CBX5: variants seen among roughly 807,000 people sequenced by gnomAD.
CBX5 encodes the protein chromobox 5, also known as chromobox protein homolog 5.
In CBX5, 7 loss-of-function variants were observed where a neutral mutation model predicts 20.7. That is an observed-to-expected ratio of 0.34 (90% confidence interval 0.19 to 0.63). The LOEUF is 0.63. Among genes scored for constraint, CBX5 ranks in the 30% least tolerant of loss-of-function variants. The pLI is 0.75. For missense variants in CBX5, 110 were observed against 224.1 expected, an observed-to-expected ratio of 0.49 and a Z score of 3.25; for synonymous variants, 78 against 77.0, an observed-to-expected ratio of 1.01 and a Z score of -0.07.
intron 1 of CBX5, among the ~76,000 whole-genome samples, chr12:54,269,539 C>A (rs1437674876): frequency 6.6e-6 from 1 of 151,994 alleles, no homozygotes; most frequent in Non-Finnish European, 1.5e-5. Context: ...CAGGAGCACA[C>A]CACCATGCCT....
At chr12:54,245,663 T>C (rs142491227) in intron 4 of CBX5, among the ~76,000 whole-genome samples, 1 of 151,988 alleles carries the variant, frequency 6.6e-6, no homozygotes. Flanking sequence ...TGGTGGCACA[T>C]GCCTGTAATC....
intron 1 of CBX5, among the ~76,000 whole-genome samples, chr12:54,276,188 G>A (rs1944065345): frequency 6.6e-6 from 1 of 152,000 alleles, no homozygotes; most frequent in Non-Finnish European, 1.5e-5. Flanking sequence ...CAAATAATGG[G>A]TCACTGCTTA....
In CBX5 at chr12:54,233,311, C is replaced by CCTTTGGATTTA. The variant is rs1943587385; in HGVS notation, c.*8433_*8443dup. 1 of 152,106 alleles carries CCTTTGGATTTA rather than the reference C, an allele frequency of 6.6e-6. No homozygotes were observed. The allele number at this position is 152,106 out of a possible 1,614,324, so 9.4% of individuals were successfully genotyped here. On this transcript the variant is annotated 3_prime_UTR_variant, in exon 5 of 5. Coordinates refer to ENST00000209875, the MANE Select transcript of CBX5 (RefSeq NM_012117.3). The stretch of plus-strand genomic sequence containing the variant: ...AAAAAACAGTTATGTCTTTTCTCCC[C>CCTTTGGATTTA]CTTTGGATTTACTTTGGATTCTGGT...
Position 54,234,587 on chromosome 12 carries a change from G to A in CBX5, c.*7168C>T, listed in dbSNP as rs1249178077. 1 of 152,198 alleles carries A rather than the reference G, an allele frequency of 6.6e-6. No individual in the cohort carries two copies. The highest frequency in any genetic ancestry group is 1.5e-5 in the Non-Finnish European group (1 of 68,038). The allele number at this position is 152,198 out of a possible 1,614,324, so 9.4% of individuals were successfully genotyped here. On this transcript the variant is annotated 3_prime_UTR_variant, in exon 5 of 5. Transcript: ENST00000209875. ...TACTGATGGCTCTTACCTAGGCTGT[G>A]ATAATTAGGTTTTGATCTATTGTGA...
At chr12:54,260,171 A>C (rs1943902585) in intron 1 of CBX5, among the ~76,000 whole-genome samples, 3 of 151,878 alleles carry the variant, frequency 2.0e-5, no homozygotes, top group South Asian at 4.1e-4. Flanking sequence ...AAAAAAAAAA[A>C]AAAAAAAAAC....
At chr12:54,244,485 C>T (rs1943713048) in intron 4 of CBX5, among the ~76,000 whole-genome samples, 1 of 151,872 alleles carries the variant, frequency 6.6e-6, no homozygotes, top group Non-Finnish European at 1.5e-5. Context: ...CACCTGTAAT[C>T]CCAGCACGTT....
At chr12:54,256,017 CT>C in intron 2 of CBX5, 1 of 152,314 alleles carries the variant, frequency 6.6e-6, no homozygotes, top group African/African-American at 2.4e-5. Context: ...TTGTTCCAGT[CT>C]TTTATGAAAT....
chr12:54,240,665 A>G lies in CBX5; in HGVS notation c.*1090T>C, dbSNP rs1157137832. The stretch of plus-strand genomic sequence containing the variant: ...GAGACATAACTGCTATGAACACTTA[A>G]AATTGATATTGTGGCCAACAGCTCA... On this transcript the variant is annotated 3_prime_UTR_variant, in exon 5 of 5. Coordinates refer to ENST00000209875, the MANE Select transcript of CBX5 (RefSeq NM_012117.3). 1 of 152,212 alleles carries G rather than the reference A, an allele frequency of 6.6e-6. No homozygotes were observed. Among genetic ancestry groups the G allele is most frequent in the Non-Finnish European group, 1.5e-5 (1 of 68,036 alleles). 9.4% of individuals were successfully genotyped at this position (152,212 alleles called of 1,614,324 possible).
intron 1 of CBX5, among the ~76,000 whole-genome samples, chr12:54,277,930 T>C (rs968658797): frequency 3.9e-5 from 6 of 152,202 alleles, no homozygotes; most frequent in African/African-American, 9.6e-5. Flanking sequence ...CACTGCACCC[T>C]TGACCTCCTG....
intron 4 of CBX5, among the ~76,000 whole-genome samples, chr12:54,245,490 C>T (rs991383505): frequency 3.9e-5 from 6 of 151,986 alleles, no homozygotes; most frequent in African/African-American, 1.4e-4. Context: ...AACCCCGACT[C>T]TACTAAAAAT....
intron 2 of CBX5, chr12:54,255,979 T>G (rs899630889): frequency 6.6e-6 from 1 of 152,200 alleles, no homozygotes; most frequent in African/African-American, 2.4e-5. Context: ...TAGCACAAAG[T>G]AGGCATTTAG....
At chr12:54,261,337 A>T (rs940211401) in intron 1 of CBX5, among the ~76,000 whole-genome samples, 15 of 150,204 alleles carry the variant, frequency 1.0e-4, no homozygotes, top group African/African-American at 3.7e-4. Flanking sequence ...TCGCTCTGTC[A>T]CCAGGCTAGA....
intron 3 of CBX5, among the ~76,000 whole-genome samples, chr12:54,251,610 G>A (rs903820173): frequency 3.9e-5 from 6 of 151,918 alleles, no homozygotes; most frequent in African/African-American, 7.3e-5. Context: ...GCTTAAAGCC[G>A]GGAGTTGGAG....
chr12:54,253,857 T>C lies in CBX5; in HGVS notation c.138-1630A>G, dbSNP rs865894767. Among the ~76,000 whole-genome samples, 497 of 148,736 alleles carry C rather than the reference T, an allele frequency of 3.3e-3. 3 individuals carry two copies. The highest frequency in any genetic ancestry group is 0.012 in the African/African-American group (481 of 40,144). ...GGCTCGCTGCAACCTGTCTCCTGGG[T>C]TCAAGCCATTCTTCGGCCTCAGCCT... On this transcript the variant is annotated intron_variant, in intron 2 of 4. Transcript: ENST00000209875.
chr12:54,246,793 A>G (rs1044274346), intron 3 of CBX5, among the ~76,000 whole-genome samples: 3 of 151,786 alleles, frequency 2.0e-5, no homozygotes, highest in Non-Finnish European at 4.4e-5. Flanking sequence ...AAAAAAAAAA[A>G]AAAAAAAGAA....
chr12:54,242,264 A>G (rs555058967), intron 4 of CBX5, among the ~76,000 whole-genome samples: 1 of 152,078 alleles, frequency 6.6e-6, no homozygotes, highest in South Asian at 2.1e-4. Flanking sequence ...GGTGGCTCAC[A>G]CCTGTAATCC....
At chr12:54,268,816 G>A (rs192672058) in intron 1 of CBX5, among the ~76,000 whole-genome samples, 7 of 152,308 alleles carry the variant, frequency 4.6e-5, no homozygotes, top group Admixed American at 1.3e-4. Flanking sequence ...AACCCAACTA[G>A]ATCATTAAAA....
intron 1 of CBX5, among the ~76,000 whole-genome samples, chr12:54,271,237 C>T (rs572428050): frequency 2.0e-5 from 3 of 152,132 alleles, no homozygotes; most frequent in South Asian, 2.1e-4. Context: ...TCAAGTCTTC[C>T]GTTTCCTTAC....
chr12:54,269,018 T>C (rs1171263755), intron 1 of CBX5, among the ~76,000 whole-genome samples: 6 of 152,162 alleles, frequency 3.9e-5, no homozygotes. Context: ...ATCCCAGCAC[T>C]TTGGGAGGCT....
Sources: allele counts gnomAD v4.1 joint callset (sites outside exome capture counted in the v4.1 genomes callset), GRCh38; gene constraint gnomAD v4.1.1; transcripts MANE v1.5; gene names NCBI Gene and HGNC (gene_info 2026-07-23, HGNC 2026-07-21).